CACNA1C: variants seen among roughly 807,000 people sequenced by gnomAD.
The protein encoded by CACNA1C is voltage-dependent L-type calcium channel subunit alpha-1C.
Under a neutral mutation model 229.0 loss-of-function variants are expected in CACNA1C, and 30 were observed. The observed-to-expected ratio is 0.13, with a 90% CI of 0.10 to 0.18. The LOEUF is 0.18. Among genes scored for constraint, CACNA1C ranks in the 10% least tolerant of loss-of-function variants. The probability of loss-of-function intolerance (pLI) is 1.00; values close to 1 mark genes in which losing one functional copy is unlikely to be tolerated. For synonymous variants in CACNA1C, 1,114 were observed against 1,132.5 expected, an observed-to-expected ratio of 0.98 and a Z score of 0.33; for missense variants, 1,658 against 2,845.0, an observed-to-expected ratio of 0.58 and a Z score of 9.49.
rs961868343 is a variant in CACNA1C, at chr12:2,146,523, C to T, written c.477+26093C>T. Among the ~76,000 whole-genome samples the T allele has an allele frequency of 4.2e-4, 64 of 151,238 alleles. 2 individuals are homozygous for T. Among genetic ancestry groups the T allele is most frequent in the African/African-American group, 9.4e-4 (39 of 41,460 alleles). Reference sequence around the variant, plus strand: ...AATGGTACAAAATTCCCTCCACTGGCGCCACAGGAGGGGCAGCCCCGGGCC... The same window carrying T: ...AATGGTACAAAATTCCCTCCACTGGTGCCACAGGAGGGGCAGCCCCGGGCC... On this transcript the variant is annotated intron_variant, in intron 3 of 46. Coordinates refer to ENST00000399655, the MANE Select transcript of CACNA1C (RefSeq NM_000719.7).
At chr12:2,259,748 A>G (rs1439955543) in intron 3 of CACNA1C, among the ~76,000 whole-genome samples, 2 of 152,192 alleles carry the variant, frequency 1.3e-5, no homozygotes, top group African/African-American at 4.8e-5. Context: ...AGCCTGGGCA[A>G]TGTAGCAAGA....
intron 1 of CACNA1C, among the ~76,000 whole-genome samples, chr12:2,068,715 T>G (rs2060239706): frequency 6.6e-6 from 1 of 152,188 alleles, no homozygotes; most frequent in Admixed American, 6.5e-5. Flanking sequence ...TCGTGGGAGT[T>G]GGCATGGCAG....
Position 2,549,926 on chromosome 12 carries a change from C to T in CACNA1C, c.1391-17C>T, listed in dbSNP as rs1057524174. 7 of 1,575,780 alleles carry T rather than the reference C, an allele frequency of 4.4e-6. No homozygotes were observed. Among genetic ancestry groups the T allele is most frequent in the Non-Finnish European group, 6.1e-6 (7 of 1,155,540 alleles). ...CCACCCTCAATGCCTGGCTCTGCTT[C>T]CCTTTGACTCTTGCAGTGAGCATGC... On this transcript the variant is annotated splice_polypyrimidine_tract_variant and intron_variant, in intron 9 of 46. Transcript: ENST00000399655.
chr12:2,228,150 C>T (rs996443926), intron 3 of CACNA1C, among the ~76,000 whole-genome samples: 1 of 152,146 alleles, frequency 6.6e-6, no homozygotes, highest in African/African-American at 2.4e-5. Flanking sequence ...TTGGCTTGTG[C>T]AACCCCGCCC....
intron 1 of CACNA1C, among the ~76,000 whole-genome samples, chr12:2,021,925 G>A (rs560121751): frequency 1.4e-4 from 21 of 152,260 alleles, no homozygotes; most frequent in African/African-American, 4.3e-4. Context: ...CAACACATAC[G>A]TTTCGGGGGA....
chr12:2,565,629 C>T (rs1212868663), intron 11 of CACNA1C, among the ~76,000 whole-genome samples: 1 of 152,186 alleles, frequency 6.6e-6, no homozygotes, highest in East Asian at 1.9e-4. Flanking sequence ...GGCTCCTAAA[C>T]CAAGATACGG....
chr12:2,175,237 C>T (rs1030179972), intron 3 of CACNA1C, among the ~76,000 whole-genome samples: 4 of 152,086 alleles, frequency 2.6e-5, no homozygotes, highest in Admixed American at 6.5e-5. Context: ...ATATCTTTGC[C>T]GGTTGGTTTG....
chr12:2,380,767 AT>A (rs2098219781), intron 3 of CACNA1C, among the ~76,000 whole-genome samples: 1 of 152,244 alleles, frequency 6.6e-6, no homozygotes. Flanking sequence ...CTCTGCATTT[AT>A]TATTTGTGTA....
In CACNA1C at chr12:2,665,784, A is replaced by C; in HGVS notation, c.4526+76A>C. 1 of 1,450,052 alleles carries C rather than the reference A, an allele frequency of 6.9e-7. No homozygotes were observed. Among genetic ancestry groups the C allele is most frequent in the Non-Finnish European group, 9.3e-7 (1 of 1,071,526 alleles). The allele number at this position is 1,450,052 out of a possible 1,614,324, so 89.8% of individuals were successfully genotyped here. On this transcript the variant is annotated intron_variant, in intron 36 of 46. Transcript: ENST00000399655. This position sits in a 1 kb window ranked among gnomAD's most constrained non-coding sequence, Gnocchi z 5.9. ...CTGACCATACCTGCAGGAGGGGCTC[A>C]AGGTTGGCCAACACTGGGTGGATCA... is the stretch of plus-strand genomic sequence containing the variant.
chr12:2,170,621 T>G (rs183223417), intron 3 of CACNA1C, among the ~76,000 whole-genome samples: 1 of 152,236 alleles, frequency 6.6e-6, no homozygotes, highest in South Asian at 2.1e-4. Flanking sequence ...GGAGTTGAGG[T>G]GGAAGTCTCC....
chr12:1,981,783 A>G (rs2036210019), intron 1 of CACNA1C, among the ~76,000 whole-genome samples: 1 of 152,226 alleles, frequency 6.6e-6, no homozygotes. Context: ...AAAAACATCC[A>G]GGGAGGTAAA....
intron 3 of CACNA1C, among the ~76,000 whole-genome samples, chr12:2,293,795 A>G (rs2093741590): frequency 1.3e-5 from 2 of 152,182 alleles, no homozygotes; most frequent in Non-Finnish European, 2.9e-5. Context: ...TTTTATTTGT[A>G]TCCCTACCAC....
At position 2,053,058 on chromosome 12, in the gene CACNA1C, A is replaced by G. The variant is rs2154501941; in HGVS notation, c.-505A>G. The G allele has an allele frequency of 1.0e-6, 1 of 983,264 alleles. No individual in the cohort carries two copies. 60.9% of individuals were successfully genotyped at this position (983,264 alleles called of 1,614,324 possible). ...GCTCGGCGCGGCGCGGCGGGCCCGGAGCGGCGGCGGCGGCTCTTCCTGCCT... is the reference window on the plus strand; with the variant it reads ...GCTCGGCGCGGCGCGGCGGGCCCGGGGCGGCGGCGGCGGCTCTTCCTGCCT... On this transcript the variant is annotated 5_prime_UTR_variant, in exon 1 of 47. Coordinates refer to ENST00000399655, the MANE Select transcript of CACNA1C (RefSeq NM_000719.7). The surrounding 1 kb of genome is among the most constrained non-coding windows in gnomAD (Gnocchi z 5.8).
At chr12:2,384,774 T>C (rs890506881) in intron 3 of CACNA1C, among the ~76,000 whole-genome samples, 1 of 152,178 alleles carries the variant, frequency 6.6e-6, no homozygotes, top group African/African-American at 2.4e-5. Context: ...ACAGATGAAC[T>C]CCATAGCAAG....
At chr12:2,415,926 G>A (rs1440206788) in intron 3 of CACNA1C, among the ~76,000 whole-genome samples, 1 of 152,138 alleles carries the variant, frequency 6.6e-6, no homozygotes, top group Non-Finnish European at 1.5e-5. Flanking sequence ...TGCGCTGGGT[G>A]ACTCTCAGTG....
At chr12:1,992,835 C>A in intron 1 of CACNA1C, 1 of 369,228 alleles carries the variant, frequency 2.7e-6, no homozygotes. Flanking sequence ...AATACAGGCC[C>A]TCAAACACTT....
chr12:2,129,153 C>T (rs1051837008), intron 3 of CACNA1C, among the ~76,000 whole-genome samples: 7 of 152,268 alleles, frequency 4.6e-5, no homozygotes, highest in East Asian at 1.9e-4. Flanking sequence ...CCCCAAGAAC[C>T]GATGCATTAG....
chr12:2,484,909 C>CTT lies in CACNA1C; in HGVS notation c.758-1183_758-1182dup, dbSNP rs3058705. ...AATCATTCCAGCTTTTCTCTTCTTT[C>CTT]TTTTTTTTTTTTTATCTTCCCAGCT... On this transcript the variant is annotated intron_variant, in intron 5 of 46. Transcript: ENST00000399655. 2.2e-3 allele frequency among the ~76,000 whole-genome samples: 313 copies of CTT among 145,372 alleles called. 1 individual carries two copies. The highest frequency in any genetic ancestry group is 4.9e-3 in the African/African-American group (191 of 39,228).
At chr12:2,404,511 A>G (rs2098714041) in intron 3 of CACNA1C, among the ~76,000 whole-genome samples, 1 of 152,122 alleles carries the variant, frequency 6.6e-6, no homozygotes, top group Admixed American at 6.5e-5. Context: ...ACCGTATACA[A>G]TCCTGCATGA....
Sources: allele counts gnomAD v4.1 joint callset (sites outside exome capture counted in the v4.1 genomes callset), GRCh38; gene constraint gnomAD v4.1.1; non-coding constraint Gnocchi (gnomAD v3.1); transcripts MANE v1.5; gene names NCBI Gene and HGNC (gene_info 2026-07-23, HGNC 2026-07-21).